Variants in BRWD3 observed in about 807,000 individuals in gnomAD.
BRWD3 encodes bromodomain and WD repeat-containing protein 3.
A neutral mutation model predicts 149.7 loss-of-function variants in BRWD3; 10 were observed. The ratio of observed to expected loss-of-function variants is 0.07; its 90% CI spans 0.04 to 0.11. The LOEUF (loss-of-function observed/expected upper bound fraction) is 0.11, where lower values mean the gene tolerates loss of function less well. Ranked by LOEUF, BRWD3 falls within the 10% of genes least tolerant of loss-of-function variation. The pLI, the probability that BRWD3 is intolerant of heterozygous loss-of-function variation, is 1.00. For synonymous variants in BRWD3, 504 were observed against 456.7 expected (o/e 1.10, Z -1.32); for missense variants, 940 against 1,373.2 (o/e 0.68, Z 4.99).
rs1033864493 is a variant in BRWD3 at position 80,675,160 on chromosome X, T to G, written c.*1449A>C. On this transcript the variant is annotated 3_prime_UTR_variant, in exon 41 of 41. Coordinates refer to ENST00000373275, the MANE Select transcript of BRWD3 (RefSeq NM_153252.5). ...GAACTCAAGCTCACTTATGGAACCA[T>G]GTGCACTCTACTGCTGTAAACAAGA... The G allele has an allele frequency of 1.8e-5, 2 of 111,824 alleles. No individual in the cohort carries two copies. The highest frequency in any genetic ancestry group is 6.5e-5 in the African/African-American group (2 of 30,850). 9.2% of individuals were successfully genotyped at this position (111,824 alleles called of 1,213,427 possible). A position where few individuals can be genotyped will look rare whatever the true frequency, so the allele number is the denominator to read the frequency against.
At chrX:80,722,220 G>T (rs181314295) in intron 17 of BRWD3, among the ~76,000 whole-genome samples, 1 of 111,703 alleles carries the variant, frequency 9.0e-6, no homozygotes, top group African/African-American at 3.3e-5. Flanking sequence ...ATACCAATAC[G>T]ATAAGCAGTG....
intron 8 of BRWD3, among the ~76,000 whole-genome samples, chrX:80,743,398 A>G (rs1029630255): frequency 9.0e-6 from 1 of 111,692 alleles, no homozygotes; most frequent in South Asian, 3.7e-4. Context: ...TATCAGGATG[A>G]TGCTGGCCTC....
At chrX:80,788,049 A>C (rs2074132604) in intron 6 of BRWD3, among the ~76,000 whole-genome samples, 1 of 109,165 alleles carries the variant, frequency 9.2e-6, no homozygotes, top group African/African-American at 3.3e-5. Context: ...GCGCCACTGC[A>C]CTCCAGCCTG....
In BRWD3 at chrX:80,717,701, A is replaced by G. The variant is rs757828493; in HGVS notation, c.2103T>C (p.His701=). ...SSSPNIRLRR[H]SSQIEGVRQM... ...GTCTAACACCTTCAATTTGACTACTATGTCTTCGAAGCCTGATGTTTGGGG... is the reference window on the plus strand; with the variant it reads ...GTCTAACACCTTCAATTTGACTACTGTGTCTTCGAAGCCTGATGTTTGGGG... Residue 701 remains histidine (H), a synonymous_variant, in exon 19 of 41, where the codon CAT becomes CAC. Transcript: ENST00000373275. The G allele has an allele frequency of 5.8e-6, 7 of 1,209,666 alleles. No homozygotes were observed. The African/African-American group carries it at 1.2e-4, about 21-fold the overall frequency.
At position 80,809,521 on chromosome X, in the gene BRWD3, G is replaced by A; in HGVS notation, c.-50C>T. ...CTTCGCTCCGGAGGGGCTGGCGGGG[G>A]CGGGTGGGGGCGCTGCCTCTATTGT... On this transcript the variant is annotated 5_prime_UTR_variant, in exon 1 of 41. Coordinates refer to ENST00000373275, the MANE Select transcript of BRWD3 (RefSeq NM_153252.5). 2.5e-6 allele frequency: 2 copies of A among 810,576 alleles called. No homozygotes were observed. Among genetic ancestry groups the A allele is most frequent in the Non-Finnish European group, 3.5e-6 (2 of 566,760 alleles). The allele number at this position is 810,576 out of a possible 1,213,427, so 66.8% of individuals were successfully genotyped here. A position where few individuals can be genotyped will look rare whatever the true frequency, so the allele number is the denominator to read the frequency against.
chrX:80,727,741 C>T (rs768625821), intron 14 of BRWD3, among the ~76,000 whole-genome samples: 1 of 110,616 alleles, frequency 9.0e-6, no homozygotes, highest in African/African-American at 3.3e-5. Flanking sequence ...TTGGGTAATT[C>T]CTACTTATCT....
At chrX:80,699,550 A>G (rs2147706562) in intron 25 of BRWD3, among the ~76,000 whole-genome samples, 1 of 111,877 alleles carries the variant, frequency 8.9e-6, no homozygotes, top group Admixed American at 9.5e-5. Flanking sequence ...CAAAACAGCT[A>G]TTTTACAAAA....
chrX:80,725,820 T>C (rs2073215038), intron 14 of BRWD3, among the ~76,000 whole-genome samples: 1 of 91,456 alleles, frequency 1.1e-5, no homozygotes, highest in South Asian at 7.0e-4. Context: ...TACATGCCTA[T>C]ATAACATAAC....
intron 21 of BRWD3, 138 bp downstream of exon 21, chrX:80,709,288 ATG>A: frequency 2.2e-6 from 1 of 447,258 alleles, no homozygotes. Flanking sequence ...TACCTACTAA[ATG>A]TATTATTAAT....
intron 12 of BRWD3, among the ~76,000 whole-genome samples, chrX:80,731,145 T>C (rs1420156324): frequency 9.0e-6 from 1 of 111,702 alleles, no homozygotes; most frequent in Non-Finnish European, 1.9e-5. Flanking sequence ...TCACAAGTTG[T>C]AGAAGTGTCC....
chrX:80,805,190 T>G (rs1185746993), intron 4 of BRWD3, among the ~76,000 whole-genome samples: 1 of 111,462 alleles, frequency 9.0e-6, no homozygotes, highest in African/African-American at 3.3e-5. Flanking sequence ...AATATGTAAT[T>G]TAGTATAAAC....
At position 80,707,507 on chromosome X, in the gene BRWD3, C is replaced by A. The variant is rs755496648; in HGVS notation, c.2476-4G>T. ...TTGTGCCAACAGTTTCATCTTCCTA[C>A]AACAAAGAGCCAGCAATTAAGATAT... On this transcript the variant is annotated splice_polypyrimidine_tract_variant and splice_region_variant and intron_variant, in intron 21 of 40. Transcript: ENST00000373275. 1 of 1,205,727 alleles carries A rather than the reference C, an allele frequency of 8.3e-7. No homozygotes were observed. Among genetic ancestry groups the A allele is most frequent in the Non-Finnish European group, 1.1e-6 (1 of 890,174 alleles).
intron 18 of BRWD3, among the ~76,000 whole-genome samples, chrX:80,719,204 C>G (rs552650221): frequency 1.8e-5 from 2 of 110,142 alleles, no homozygotes; most frequent in East Asian, 2.8e-4. Flanking sequence ...CTAGACTTAC[C>G]GTAGCACTTC....
At position 80,691,106 on chromosome X, in the gene BRWD3, A is replaced by G; in HGVS notation, c.3549T>C (p.Ala1183=). The G allele has an allele frequency of 2.5e-6, 3 of 1,209,030 alleles. No homozygotes were observed. Among genetic ancestry groups the G allele is most frequent in the Non-Finnish European group, 3.4e-6 (3 of 893,159 alleles). ...SAYPLYCTVV[A]YPTDLNTIRR... ...TGATGGTATTGAGGTCAGTTGGATA[A>G]GCAACTACAGTACAATACAAGGGGT... Residue 1183 remains alanine (A), a synonymous_variant, in exon 31 of 41, where the codon GCT becomes GCC. Coordinates refer to ENST00000373275, the MANE Select transcript of BRWD3 (RefSeq NM_153252.5).
intron 1 of BRWD3, 28 bp downstream of exon 1, chrX:80,809,413 C>CT: frequency 8.8e-7 from 1 of 1,136,349 alleles, no homozygotes; most frequent in Non-Finnish European, 1.2e-6. Context: ...CCCTTAGCAC[C>CT]CCCCCACCCC....
At chrX:80,726,521 A>G (rs1055541837) in intron 14 of BRWD3, among the ~76,000 whole-genome samples, 4 of 110,784 alleles carry the variant, frequency 3.6e-5, no homozygotes, top group Non-Finnish European at 7.6e-5. Context: ...AACAGGCTCC[A>G]AGCCTTAGAA....
intron 6 of BRWD3, among the ~76,000 whole-genome samples, chrX:80,768,649 A>G (rs1482962006): frequency 8.9e-6 from 1 of 111,768 alleles, no homozygotes; most frequent in Non-Finnish European, 1.9e-5. Flanking sequence ...AAGACCATCA[A>G]TGCTAGGAAG....
At position 80,728,884 on chromosome X, in the gene BRWD3, T is replaced by C. The variant is rs763580276; in HGVS notation, c.1254A>G (p.Glu418=). 5.0e-6 allele frequency: 6 copies of C among 1,208,372 alleles called. No homozygotes were observed. Among genetic ancestry groups the C allele is most frequent in the Non-Finnish European group, 6.7e-6 (6 of 893,712 alleles). ...TCACCTTAAGTTTAGTGATCTTGTC[T>C]TCTCCAGATGGCAAATTATTGCTAA... ...KMTGNNLPSG[E]DKITKLKVTM... The change falls in exon 14 of 41, where the codon GAA becomes GAG. Residue 418 remains glutamate (E), a synonymous_variant. Coordinates refer to ENST00000373275, the MANE Select transcript of BRWD3 (RefSeq NM_153252.5).
chrX:80,809,153 TC>T, intron 2 of BRWD3, 92 bp downstream of exon 2: 1 of 1,140,230 alleles, frequency 8.8e-7, no homozygotes, highest in Non-Finnish European at 1.2e-6. Flanking sequence ...GGCCGGCCTT[TC>T]CCTCACCCTC....
Sources: gnomAD v4.1 joint callset for allele counts (sites outside exome capture counted in the v4.1 genomes callset) on GRCh38, gnomAD v4.1.1 for gene constraint, MANE v1.5 for transcripts, NCBI Gene and HGNC (gene_info 2026-07-23, HGNC 2026-07-21) for gene names.